Variants in CLINT1 observed in about 807,000 individuals in gnomAD.
The protein encoded by CLINT1 is clathrin interactor 1, also known as clathrin interacting protein localized in the trans-Golgi region.
Under a neutral mutation model 70.4 loss-of-function variants are expected in CLINT1, and 15 were observed. The ratio of observed to expected loss-of-function variants is 0.21; its 90% CI spans 0.14 to 0.33. CLINT1 has a LOEUF of 0.33. Among genes scored for constraint, CLINT1 ranks in the 10% least tolerant of loss-of-function variants. The probability of loss-of-function intolerance (pLI) is 1.00; values close to 1 mark genes in which losing one functional copy is unlikely to be tolerated. For synonymous variants in CLINT1, 227 were observed against 254.7 expected, an observed-to-expected ratio of 0.89 and a Z score of 1.04; for missense variants, 615 against 778.1, an observed-to-expected ratio of 0.79 and a Z score of 2.49.
At chr5:157,831,647 TAATAAA>T (rs1460060119) in intron 1 of CLINT1, among the ~76,000 whole-genome samples, 1 of 150,842 alleles carries the variant, frequency 6.6e-6, no homozygotes, top group Non-Finnish European at 1.5e-5. Flanking sequence ...ATATAGGAGA[TAATAAA>T]AATAAACTAG....
intron 7 of CLINT1, 94 bp from the exon 8 acceptor site, chr5:157,803,813 C>A (rs1166006405): frequency 9.9e-6 from 8 of 809,952 alleles, no homozygotes; most frequent in African/African-American, 1.7e-5. Flanking sequence ...GACATAAATA[C>A]CTGTAATTAG....
chr5:157,797,253 T>C (rs948887171), intron 8 of CLINT1, among the ~76,000 whole-genome samples: 6 of 152,232 alleles, frequency 3.9e-5, no homozygotes, highest in African/African-American at 9.6e-5. Context: ...AACAGAATGA[T>C]AGTTAATCAA....
chr5:157,841,636 T>C (rs1369844231), intron 1 of CLINT1, among the ~76,000 whole-genome samples: 1 of 151,820 alleles, frequency 6.6e-6, no homozygotes. Context: ...TTTTTTCGGG[T>C]TTTTTGTGTG....
At chr5:157,824,518 G>C (rs1370885718) in intron 1 of CLINT1, among the ~76,000 whole-genome samples, 4 of 152,128 alleles carry the variant, frequency 2.6e-5, no homozygotes. Context: ...TCACTGATCT[G>C]CAAATGAAAA....
chr5:157,804,370 A>G (rs1169281067), intron 7 of CLINT1, among the ~76,000 whole-genome samples: 1 of 152,180 alleles, frequency 6.6e-6, no homozygotes, highest in Non-Finnish European at 1.5e-5. Flanking sequence ...TCTTCTCCAC[A>G]AAGCTAAGCA....
chr5:157,836,492 C>A (rs755110737), intron 1 of CLINT1, among the ~76,000 whole-genome samples: 23 of 152,202 alleles, frequency 1.5e-4, no homozygotes, highest in Non-Finnish European at 2.8e-4. Flanking sequence ...TCCAACTCAG[C>A]ACCAAGAGTA....
At chr5:157,825,160 C>T (rs1425281126) in intron 1 of CLINT1, among the ~76,000 whole-genome samples, 1 of 152,056 alleles carries the variant, frequency 6.6e-6, no homozygotes, top group African/African-American at 2.4e-5. Context: ...AAAGAGTAAC[C>T]TAGTTATTAA....
Position 157,787,081 on chromosome 5 carries a change from A to G in CLINT1, c.*565T>C, listed in dbSNP as rs1001177080. On this transcript the variant is annotated 3_prime_UTR_variant, in exon 12 of 12. Transcript: ENST00000411809. ...ATAGCAGTGTTGCTGGAACATTAGCAAAAGTATATACATTCCAGTTACCTT... is the reference window on the plus strand; with the variant it reads ...ATAGCAGTGTTGCTGGAACATTAGCGAAAGTATATACATTCCAGTTACCTT... The G allele has an allele frequency of 6.5e-6, 1 of 153,212 alleles. No homozygotes were observed. The highest frequency in any genetic ancestry group is 2.4e-5 in the African/African-American group (1 of 41,474). The allele number at this position is 153,212 out of a possible 1,614,324, so 9.5% of individuals were successfully genotyped here.
chr5:157,832,274 C>T (rs939803149), intron 1 of CLINT1, among the ~76,000 whole-genome samples: 3 of 152,208 alleles, frequency 2.0e-5, no homozygotes, highest in African/African-American at 4.8e-5. Context: ...TGAGCCACAG[C>T]GCCCAGCCAG....
chr5:157,853,734 A>C (rs567410156), intron 1 of CLINT1, among the ~76,000 whole-genome samples: 1 of 138,404 alleles, frequency 7.2e-6, no homozygotes, highest in East Asian at 2.1e-4. Context: ...CCAATATCGC[A>C]CCATTGCACT....
intron 1 of CLINT1, among the ~76,000 whole-genome samples, chr5:157,818,883 A>G (rs1030534220): frequency 2.6e-5 from 4 of 152,194 alleles, no homozygotes; most frequent in Admixed American, 6.5e-5. Flanking sequence ...TTCATTTGAC[A>G]TCGAAAGCTC....
At position 157,816,802 on chromosome 5, in the gene CLINT1, C is replaced by G. The variant is rs1057362715; in HGVS notation, c.175G>C (p.Glu59Gln). 6.2e-7 allele frequency: 1 copy of G among 1,609,872 alleles called. No individual in the cohort carries two copies. The highest frequency in any genetic ancestry group is 1.3e-5 in the African/African-American group (1 of 74,748). ...CGTGACCAAAGCATGTTCATAAGTTCTGGAAATTGTTCATACATAAATGTA... is the reference window on the plus strand; with the variant it reads ...CGTGACCAAAGCATGTTCATAAGTTGTGGAAATTGTTCATACATAAATGTA... ...KATFMYEQFP[E>Q]LMNMLWSRML... is the part of the protein sequence containing the mutation. The change falls in exon 3 of 12, where the codon GAA becomes CAA. Residue 59 changes from glutamate to glutamine, a missense_variant. Transcript: ENST00000411809.
At chr5:157,836,304 AGGC>A (rs1763421041) in intron 1 of CLINT1, among the ~76,000 whole-genome samples, 1 of 152,220 alleles carries the variant, frequency 6.6e-6, no homozygotes, top group Non-Finnish European at 1.5e-5. Context: ...GAGAAAACTG[AGGC>A]ACAAAGAGGT....
chr5:157,843,679 G>A (rs1753272910), intron 1 of CLINT1, among the ~76,000 whole-genome samples: 1 of 152,004 alleles, frequency 6.6e-6, no homozygotes, highest in Non-Finnish European at 1.5e-5. Context: ...TAAATAGGTG[G>A]TGCTCCATTT....
Position 157,813,048 on chromosome 5 carries a change from G to A in CLINT1, c.517+15C>T. 2 of 1,609,764 alleles carry A rather than the reference G, an allele frequency of 1.2e-6. No individual in the cohort carries two copies. The highest frequency in any genetic ancestry group is 1.7e-6 in the Non-Finnish European group (2 of 1,177,408). Reference sequence around the variant, plus strand: ...TAAGCTGATGCTTAGGTGTCAGCTTGTCTTTGATACTCACTGTATCTGAAT... The same window carrying A: ...TAAGCTGATGCTTAGGTGTCAGCTTATCTTTGATACTCACTGTATCTGAAT... On this transcript the variant is annotated intron_variant, in intron 5 of 11. Coordinates refer to ENST00000411809, the MANE Select transcript of CLINT1 (RefSeq NM_014666.4).
chr5:157,798,484 T>C (rs891116616), intron 8 of CLINT1, among the ~76,000 whole-genome samples: 11 of 152,102 alleles, frequency 7.2e-5, no homozygotes, highest in Non-Finnish European at 2.9e-5. Flanking sequence ...AAACGACAAA[T>C]GGAAATTTTC....
intron 1 of CLINT1, among the ~76,000 whole-genome samples, chr5:157,831,059 CA>C (rs539519712): frequency 6.8e-6 from 1 of 147,794 alleles, no homozygotes; most frequent in African/African-American, 2.5e-5. Flanking sequence ...AACAAACAAA[CA>C]AAAAAAAGTT....
chr5:157,792,133 A>T, intron 9 of CLINT1, 138 bp from the exon 10 acceptor site: 1 of 695,718 alleles, frequency 1.4e-6, no homozygotes. Context: ...CCATCTGGAC[A>T]GTATTCTTTC....
chr5:157,815,037 A>C (rs1253983207), intron 3 of CLINT1, among the ~76,000 whole-genome samples: 2 of 151,968 alleles, frequency 1.3e-5, no homozygotes, highest in Non-Finnish European at 2.9e-5. Context: ...TCTCAAAAAA[A>C]AAAAAAAAAA....
Sources: allele counts gnomAD v4.1 joint callset (sites outside exome capture counted in the v4.1 genomes callset), GRCh38; gene constraint gnomAD v4.1.1; transcripts MANE v1.5; gene names NCBI Gene and HGNC (gene_info 2026-07-23, HGNC 2026-07-21).